RABGAP1: variants seen among roughly 807,000 people sequenced by gnomAD.
The protein encoded by RABGAP1 is rab GTPase-activating protein 1.
RABGAP1 carries 23 observed loss-of-function variants against 137.6 expected under a neutral mutation model. The ratio of observed to expected loss-of-function variants is 0.17; its 90% confidence interval spans 0.12 to 0.24. The LOEUF is 0.24. RABGAP1 is among the 10% of genes least tolerant of loss of function. The pLI is 1.00. For missense variants in RABGAP1, 906 were observed against 1,275.8 expected (o/e 0.71, Z 4.42); for synonymous variants, 451 against 450.7 (o/e 1.00, Z -0.01).
At chr9:123,074,235 G>C (rs1180597255) in intron 16 of RABGAP1, 50 bp from the exon 17 acceptor site, 1 of 1,605,868 alleles carries the variant, frequency 6.2e-7, no homozygotes, top group Non-Finnish European at 8.5e-7. Context: ...TCCTTAGTGG[G>C]AATTGGACAG....
intron 10 of RABGAP1, among the ~76,000 whole-genome samples, chr9:123,005,853 G>A (rs940061885): frequency 6.6e-6 from 1 of 152,206 alleles, no homozygotes; most frequent in African/African-American, 2.4e-5. Context: ...TTCTGTAGAA[G>A]GTGTAACCAT....
At chr9:122,952,139 TTGTC>T (rs1325722825) in intron 1 of RABGAP1, among the ~76,000 whole-genome samples, 4 of 152,344 alleles carry the variant, frequency 2.6e-5, no homozygotes, top group Admixed American at 6.5e-5. Flanking sequence ...GTGAACATAA[TTGTC>T]TGTCACCTCA....
intron 19 of RABGAP1, 162 bp from the exon 20 acceptor site, chr9:123,089,596 T>G (rs1751614507): frequency 5.0e-6 from 3 of 595,978 alleles, no homozygotes; most frequent in Non-Finnish European, 8.8e-6. Context: ...GGTCCTGGGC[T>G]TATACCCTAC....
At chr9:122,967,854 G>A (rs112490692) in intron 2 of RABGAP1, among the ~76,000 whole-genome samples, 3 of 151,722 alleles carry the variant, frequency 2.0e-5, no homozygotes, top group African/African-American at 7.3e-5. Flanking sequence ...AGCCTCCTGA[G>A]TAGCTGGGAT....
intron 13 of RABGAP1, among the ~76,000 whole-genome samples, chr9:123,030,525 T>G (rs2032240303): frequency 1.3e-5 from 2 of 152,188 alleles, no homozygotes; most frequent in Admixed American, 1.3e-4. Context: ...ATCATGAGAC[T>G]GCATTATTTT....
intron 13 of RABGAP1, among the ~76,000 whole-genome samples, chr9:123,039,212 G>A (rs904952269): frequency 1.3e-5 from 2 of 152,134 alleles, no homozygotes; most frequent in Admixed American, 6.6e-5. Flanking sequence ...AGCAATCCCA[G>A]ACTTGAGAAG....
chr9:122,935,363 A>G, the RABGAP1 span, among the ~76,000 whole-genome samples: 1 of 151,812 alleles, frequency 6.6e-6, no homozygotes, highest in Admixed American at 6.6e-5. Context: ...TTTTTGAGAC[A>G]GTCTCGCTCT....
chr9:123,052,591 T>C (rs2033531554), intron 13 of RABGAP1, among the ~76,000 whole-genome samples: 1 of 152,200 alleles, frequency 6.6e-6, no homozygotes, highest in South Asian at 2.1e-4. Flanking sequence ...TTCTAGTGAA[T>C]ATGTTTAAAA....
chr9:123,000,186 C>T (rs545111975), intron 10 of RABGAP1, among the ~76,000 whole-genome samples: 13 of 152,070 alleles, frequency 8.5e-5, no homozygotes, highest in Non-Finnish European at 1.3e-4. Context: ...ACAAGTTAAA[C>T]ATCTTAAGTG....
At position 123,016,688 on chromosome 9, in the gene RABGAP1, C is replaced by T. The variant is rs184494632; in HGVS notation, c.1643+1052C>T. Among the ~76,000 whole-genome samples the T allele has an allele frequency of 4.6e-4, 70 of 152,264 alleles. 1 individual carries two copies. In the East Asian group the frequency reaches 9.4e-3, roughly 21 times the overall value. On this transcript the variant is annotated intron_variant, in intron 12 of 25. Coordinates refer to ENST00000373647, the MANE Select transcript of RABGAP1 (RefSeq NM_012197.4). ...GAGCTTGGAAGTGATCTGAACACTT[C>T]TCTATTTCTGACATTCTGGTTACTA... is the stretch of plus-strand genomic sequence containing the variant.
intron 6 of RABGAP1, among the ~76,000 whole-genome samples, chr9:122,990,958 T>A (rs1263822323): frequency 2.0e-5 from 3 of 150,298 alleles, no homozygotes; most frequent in East Asian, 3.9e-4. Context: ...TCAAGTCAAG[T>A]TTTCCCAGTA....
At chr9:123,049,730 T>TG (rs980064472) in intron 13 of RABGAP1, among the ~76,000 whole-genome samples, 2 of 152,224 alleles carry the variant, frequency 1.3e-5, no homozygotes, top group Admixed American at 6.5e-5. Flanking sequence ...CAGGAAAACT[T>TG]GCCAAATACA....
At chr9:123,004,467 G>T (rs1436181542) in intron 10 of RABGAP1, among the ~76,000 whole-genome samples, 1 of 151,682 alleles carries the variant, frequency 6.6e-6, no homozygotes, top group African/African-American at 2.4e-5. Context: ...TAATTTTTTG[G>T]AGAGACGGAG....
At chr9:123,065,646 G>T (rs765920605) in intron 14 of RABGAP1, 185 bp downstream of exon 14, 35 of 550,106 alleles carry the variant, frequency 6.4e-5, no homozygotes, top group Non-Finnish European at 9.8e-5. Flanking sequence ...AAAATAATAA[G>T]AAATAAAATG....
intron 2 of RABGAP1, among the ~76,000 whole-genome samples, chr9:122,969,857 C>T (rs141710129): frequency 1.9e-3 from 295 of 152,270 alleles, no homozygotes; most frequent in African/African-American, 6.3e-3. Context: ...TGAGCCACCA[C>T]GCCTGGCCAA....
chr9:123,032,211 A>G (rs763698785), intron 13 of RABGAP1, among the ~76,000 whole-genome samples: 2 of 152,174 alleles, frequency 1.3e-5, no homozygotes, highest in Non-Finnish European at 2.9e-5. Flanking sequence ...CCTCTGTGCT[A>G]GGTGTTGGTA....
intron 6 of RABGAP1, among the ~76,000 whole-genome samples, chr9:122,992,586 T>A (rs1836789387): frequency 6.6e-6 from 1 of 151,740 alleles, no homozygotes; most frequent in African/African-American, 2.4e-5. Flanking sequence ...CTCCTTTTGC[T>A]ACATGGCTTT....
intron 22 of RABGAP1, 125 bp from the exon 23 acceptor site, chr9:123,098,590 C>A: frequency 1.5e-6 from 1 of 662,704 alleles, no homozygotes; most frequent in Non-Finnish European, 2.6e-6. Flanking sequence ...AAGAAAGTAG[C>A]TGAATTAGAG....
intron 15 of RABGAP1, among the ~76,000 whole-genome samples, chr9:123,071,772 T>C (rs945265240): frequency 6.6e-6 from 1 of 152,178 alleles, no homozygotes; most frequent in Admixed American, 6.5e-5. Flanking sequence ...AATGTTGTTA[T>C]GAAAATAATA....
Sources: gnomAD v4.1 joint callset for allele counts (sites outside exome capture counted in the v4.1 genomes callset) on GRCh38, gnomAD v4.1.1 for gene constraint, MANE v1.5 for transcripts, NCBI Gene and HGNC (gene_info 2026-07-23, HGNC 2026-07-21) for gene names.